Variants in MASP2 observed in about 807,000 individuals in gnomAD.
MASP2 encodes MBL associated serine protease 2, also known as mannan-binding lectin serine protease 2.
MASP2 carries 49 observed loss-of-function variants against 57.1 expected under a neutral mutation model. The ratio of observed to expected loss-of-function variants is 0.86; its 90% confidence interval spans 0.68 to 1.09. The LOEUF (loss-of-function observed/expected upper bound fraction) is 1.09, where lower values mean the gene tolerates loss of function less well. MASP2 is among the 50% of genes least tolerant of loss of function. The probability of loss-of-function intolerance (pLI) is 0.00; values close to 1 mark genes in which losing one functional copy is unlikely to be tolerated. For missense variants in MASP2, 900 were observed against 874.8 expected (o/e 1.03, Z -0.36); for synonymous variants, 379 against 340.8 (o/e 1.11, Z -1.24).
chr1:11,041,131 A>ATGGATGGG (rs1638416604), intron 6 of MASP2, among the ~76,000 whole-genome samples: 1 of 146,094 alleles, frequency 6.8e-6, no homozygotes, highest in Non-Finnish European at 1.5e-5. Flanking sequence ...GGATGGATGG[A>ATGGATGGG]TGGAAGGATG....
intron 4 of MASP2, 63 bp from the exon 5 acceptor site, chr1:11,043,598 C>T: frequency 1.8e-6 from 2 of 1,131,600 alleles, no homozygotes; most frequent in Admixed American, 2.1e-5. Flanking sequence ...GCACCAACAG[C>T]AGGGTGGATG....
At chr1:11,035,730 T>A (rs919992405) in intron 7 of MASP2, among the ~76,000 whole-genome samples, 2 of 151,816 alleles carry the variant, frequency 1.3e-5, no homozygotes, top group African/African-American at 4.8e-5. Flanking sequence ...CCCCCACCTC[T>A]ACAAAAAAGA....
chr1:11,032,788 A>C (rs1643863818), intron 8 of MASP2, among the ~76,000 whole-genome samples: 1 of 151,762 alleles, frequency 6.6e-6, no homozygotes, highest in East Asian at 1.9e-4. Flanking sequence ...AAGTGCTTGT[A>C]ATCCCAGCTA....
intron 8 of MASP2, among the ~76,000 whole-genome samples, chr1:11,033,267 G>A (rs947019286): frequency 6.6e-6 from 1 of 151,954 alleles, no homozygotes; most frequent in South Asian, 2.1e-4. Flanking sequence ...GGCAGAGGTT[G>A]CGGTGAGCCA....
chr1:11,027,681 T>G (rs985799396), intron 10 of MASP2, 33 bp from the exon 11 acceptor site: 6 of 1,541,016 alleles, frequency 3.9e-6, no homozygotes, highest in Admixed American at 2.2e-5. Context: ...AGAGAGCCTT[T>G]GTAAAAATGT....
chr1:11,041,728 T>G, intron 6 of MASP2, among the ~76,000 whole-genome samples: 2 of 356 alleles, frequency 5.6e-3, no homozygotes, highest in Non-Finnish European at 0.01. Context: ...GATGGATGGA[T>G]GGATGGGTGA....
At position 11,037,736 on chromosome 1, in the gene MASP2, T is replaced by TC. The variant is rs766030273; in HGVS notation, c.964dup (p.Asp322GlyfsTer12). On this transcript the variant is annotated frameshift_variant, in exon 7 of 11. Coordinates refer to ENST00000400897, the MANE Select transcript of MASP2 (RefSeq NM_006610.4). LOFTEE classifies it high-confidence loss of function. The stretch of plus-strand genomic sequence containing the variant: ...AGTCTCGCAAAAGATGGAGAAGCTG[T>TC]CTTTCAGGATGTATTTGGCTTGCAC... 2 of 1,613,098 alleles carry TC rather than the reference T, an allele frequency of 1.2e-6. No homozygotes were observed. Among genetic ancestry groups the TC allele is most frequent in the Non-Finnish European group, 8.5e-7 (1 of 1,179,692 alleles).
intron 9 of MASP2, 66 bp downstream of exon 9, chr1:11,030,682 A>G (rs1045332074): frequency 5.3e-6 from 8 of 1,503,430 alleles, no homozygotes; most frequent in Non-Finnish European, 7.1e-6. Flanking sequence ...GTTAAAGTTT[A>G]TTTTCAGACC....
intron 8 of MASP2, among the ~76,000 whole-genome samples, chr1:11,033,260 A>G (rs915513130): frequency 3.6e-4 from 55 of 151,788 alleles, no homozygotes; most frequent in African/African-American, 1.2e-3. Context: ...CCTGGGAGGC[A>G]GAGGTTGCGG....
intron 4 of MASP2, chr1:11,044,786 C>T (rs1570756228): frequency 8.5e-6 from 12 of 1,411,516 alleles, no homozygotes; most frequent in Middle Eastern, 5.3e-4. Flanking sequence ...CCCAGAGACA[C>T]GTGGCAGCAG....
chr1:11,046,039 G>C (rs1638627764), intron 3 of MASP2: 1 of 204,784 alleles, frequency 4.9e-6, no homozygotes, highest in African/African-American at 2.3e-5. Context: ...TTGAGACGGA[G>C]TCTAGCTCTG....
intron 2 of MASP2, 38 bp downstream of exon 2, chr1:11,046,853 G>A (rs769274048): frequency 5.8e-6 from 9 of 1,551,002 alleles, no homozygotes; most frequent in African/African-American, 2.7e-5. Context: ...GGGACCCCCC[G>A]ACCCTGAGAA....
intron 6 of MASP2, among the ~76,000 whole-genome samples, chr1:11,040,144 G>C (rs1462304904): frequency 3.3e-5 from 5 of 151,882 alleles, no homozygotes; most frequent in African/African-American, 1.2e-4. Flanking sequence ...TGGATGGAAG[G>C]ATGGGTAGGT....
intron 6 of MASP2, among the ~76,000 whole-genome samples, chr1:11,038,058 ATGG>A (rs1638306479): frequency 6.6e-6 from 1 of 152,188 alleles, no homozygotes; most frequent in Admixed American, 6.5e-5. Flanking sequence ...ATGTGGGAAG[ATGG>A]TGCAGTCCCC....
At chr1:11,030,415 C>T in intron 9 of MASP2, 165 bp from the exon 10 acceptor site, 2 of 602,090 alleles carry the variant, frequency 3.3e-6, no homozygotes, top group South Asian at 4.1e-5. Flanking sequence ...CTCTGCATTA[C>T]CATGTTTGCT....
intron 3 of MASP2, chr1:11,045,962 G>A: frequency 4.8e-6 from 1 of 206,972 alleles, no homozygotes; most frequent in South Asian, 1.0e-4. Context: ...GCTCCCGCTG[G>A]CAGGGCCCCA....
At chr1:11,035,741 C>T (rs1295241996) in intron 7 of MASP2, among the ~76,000 whole-genome samples, 3 of 151,924 alleles carry the variant, frequency 2.0e-5, no homozygotes, top group African/African-American at 4.8e-5. Flanking sequence ...ACAAAAAAGA[C>T]AAAAGTTAGC....
In MASP2 at chr1:11,045,867, G is replaced by A. The variant is rs541022226; in HGVS notation, c.413-328C>T. On this transcript the variant is annotated intron_variant, in intron 3 of 10. Coordinates refer to ENST00000400897, the MANE Select transcript of MASP2 (RefSeq NM_006610.4). Reference sequence around the variant, plus strand: ...CTGAACCCTTGCAGCAGCTTCCTAAGGAGCAGAGAAATTGAGCCACTTGCC... The same window carrying A: ...CTGAACCCTTGCAGCAGCTTCCTAAAGAGCAGAGAAATTGAGCCACTTGCC... 15 of 358,254 alleles carry A rather than the reference G, an allele frequency of 4.2e-5. 1 individual carries two copies. Among genetic ancestry groups the A allele is most frequent in the Middle Eastern group, 1.5e-3 (2 of 1,298 alleles). 22.2% of individuals were successfully genotyped at this position (358,254 alleles called of 1,614,324 possible).
At chr1:11,045,738 T>C (rs982662026) in intron 3 of MASP2, 199 bp from the exon 4 acceptor site, 8 of 596,664 alleles carry the variant, frequency 1.3e-5, no homozygotes, top group Non-Finnish European at 2.1e-5. Context: ...GGGAGAAAGA[T>C]GCAAACATCA....
Sources: allele counts gnomAD v4.1 joint callset (sites outside exome capture counted in the v4.1 genomes callset), GRCh38; gene constraint gnomAD v4.1.1; transcripts MANE v1.5; gene names NCBI Gene and HGNC (gene_info 2026-07-23, HGNC 2026-07-21).